The following AOPEP variants were observed in gnomAD, a reference collection of about 807,000 sequenced individuals.
The protein encoded by AOPEP is aminopeptidase O.
A neutral mutation model predicts 98.1 loss-of-function variants in AOPEP; 77 were observed. The observed-to-expected ratio is 0.78, with a 90% CI of 0.65 to 0.95. The LOEUF is 0.95. AOPEP is among the 40% of genes least tolerant of loss of function. AOPEP has a pLI of 0.00. For missense variants in AOPEP, 1,024 were observed against 1,024.7 expected (o/e 1.00, Z 0.01); for synonymous variants, 346 against 365.3 (o/e 0.95, Z 0.60).
chr9:94,925,223 T>A lies in AOPEP; in HGVS notation c.1554+1048T>A, dbSNP rs2054137091. On this transcript the variant is annotated intron_variant, in intron 6 of 16. Coordinates refer to ENST00000375315, the MANE Select transcript of AOPEP (RefSeq NM_001193329.3). ...CCAGTCTGGTCTCGAACTCCTGACCTCGTGATCCGCCCACCTTGGCCTCCC... is the reference window on the plus strand; with the variant it reads ...CCAGTCTGGTCTCGAACTCCTGACCACGTGATCCGCCCACCTTGGCCTCCC... Among the ~76,000 whole-genome samples, 3 of 152,330 alleles carry A rather than the reference T, an allele frequency of 2.0e-5. No homozygotes were observed. In the South Asian group the frequency reaches 6.2e-4, roughly 32 times the overall value.
In AOPEP at chr9:94,828,281, A is replaced by G. The variant is rs1410069958; in HGVS notation, c.1364+27279A>G. ...CTTTTGGTGTCATATTTAAGAATTC[A>G]TTGCCTATTCCAAAGTCACAAAGAT... On this transcript the variant is annotated intron_variant, in intron 5 of 16. Transcript: ENST00000375315. Among the ~76,000 whole-genome samples the G allele has an allele frequency of 3.3e-5, 5 of 152,158 alleles. No individual in the cohort carries two copies. In the South Asian group the frequency reaches 6.2e-4, roughly 19 times the overall value.
At chr9:94,830,606 C>T (rs1025745122) in intron 5 of AOPEP, among the ~76,000 whole-genome samples, 2 of 152,222 alleles carry the variant, frequency 1.3e-5, no homozygotes, top group Non-Finnish European at 2.9e-5. Flanking sequence ...ATTTCTGCTT[C>T]TGGATCTTTG....
intron 10 of AOPEP, among the ~76,000 whole-genome samples, chr9:94,968,443 T>C (rs1564461017): frequency 2.0e-5 from 3 of 152,308 alleles, no homozygotes; most frequent in East Asian, 3.9e-4. Context: ...GGTTTCACCA[T>C]GTTGGCCAGG....
intron 5 of AOPEP, among the ~76,000 whole-genome samples, chr9:94,921,714 T>A (rs962937489): frequency 3.3e-5 from 5 of 152,326 alleles, no homozygotes; most frequent in Middle Eastern, 3.4e-3. Flanking sequence ...GTATCCAGTA[T>A]GTCAAACCCA....
chr9:94,760,606 C>CCGT (rs756484922), intron 2 of AOPEP, 26 bp downstream of exon 2: 19 of 1,511,708 alleles, frequency 1.3e-5, no homozygotes. Context: ...ACTTCAAAGC[C>CCGT]CTGTGCCTGT....
At chr9:94,863,797 A>G (rs1036357173) in intron 5 of AOPEP, among the ~76,000 whole-genome samples, 1 of 152,218 alleles carries the variant, frequency 6.6e-6, no homozygotes, top group African/African-American at 2.4e-5. Flanking sequence ...GTGTATGCAC[A>G]TTGTAGGCAG....
intron 9 of AOPEP, among the ~76,000 whole-genome samples, chr9:94,967,341 G>A (rs1228630573): frequency 6.6e-6 from 1 of 152,154 alleles, no homozygotes; most frequent in African/African-American, 2.4e-5. Flanking sequence ...TTACCATTTG[G>A]TAGAGCAACG....
At chr9:95,149,894 C>T in the AOPEP span, 4 of 1,573,946 alleles carry the variant, frequency 2.5e-6, no homozygotes. Context: ...AAAAACGACG[C>T]AGGATGACAG....
chr9:94,963,782 A>G (rs140985914), intron 9 of AOPEP, among the ~76,000 whole-genome samples: 2,205 of 152,318 alleles, frequency 0.014, 30 homozygotes, highest in Middle Eastern at 0.078. Context: ...AAAACTGCCA[A>G]TACACTGTAG....
At position 94,980,519 on chromosome 9, in the gene AOPEP, C is replaced by G. The variant is rs2138713228; in HGVS notation, c.1977+1092C>G. ...GGCTGTTCTCCATTACCTTTTCATC[C>G]CCCTCCTCACATCTTTGTCCATTTT... On this transcript the variant is annotated intron_variant, in intron 11 of 16. Coordinates refer to ENST00000375315, the MANE Select transcript of AOPEP (RefSeq NM_001193329.3). This position sits in a 1 kb window ranked among gnomAD's most constrained non-coding sequence, Gnocchi z 4.3. Among the ~76,000 whole-genome samples the G allele has an allele frequency of 6.6e-6, 1 of 152,328 alleles. No homozygotes were observed. Among genetic ancestry groups the G allele is most frequent in the African/African-American group, 2.4e-5 (1 of 41,572 alleles).
chr9:95,081,482 G>A (rs1362045124), intron 15 of AOPEP, among the ~76,000 whole-genome samples: 10 of 152,200 alleles, frequency 6.6e-5, no homozygotes, highest in Non-Finnish European at 1.3e-4. Context: ...CTTCCAGCTG[G>A]GGTGGAGAGT....
chr9:94,767,430 A>T (rs1839877027), intron 2 of AOPEP, among the ~76,000 whole-genome samples: 1 of 152,250 alleles, frequency 6.6e-6, no homozygotes, highest in African/African-American at 2.4e-5. Flanking sequence ...TACAGAAAAT[A>T]ACAAATCGCA....
chr9:94,959,457 C>T lies in AOPEP; in HGVS notation c.1872+3442C>T, dbSNP rs1280124685. Among the ~76,000 whole-genome samples the T allele has an allele frequency of 4.6e-5, 7 of 152,076 alleles. 1 individual carries two copies. In the East Asian group the frequency reaches 1.2e-3, roughly 25 times the overall value. ...TTCCCTCCATTGAATTGCCTTGGTA[C>T]CCTTGCCAAAAATTAGTTGATCATT... On this transcript the variant is annotated intron_variant, in intron 9 of 16. Coordinates refer to ENST00000375315, the MANE Select transcript of AOPEP (RefSeq NM_001193329.3).
chr9:95,084,110 CTT>C (rs2085348119), intron 16 of AOPEP, among the ~76,000 whole-genome samples: 1 of 152,010 alleles, frequency 6.6e-6, no homozygotes, highest in Non-Finnish European at 1.5e-5. Context: ...AATTTTGTAT[CTT>C]TAAAAAAACT....
At chr9:95,011,524 G>T (rs923095598) in intron 13 of AOPEP, among the ~76,000 whole-genome samples, 1 of 151,962 alleles carries the variant, frequency 6.6e-6, no homozygotes. Context: ...TAAGACTGCC[G>T]TTTTGCTGGG....
intron 13 of AOPEP, among the ~76,000 whole-genome samples, chr9:95,052,063 G>A (rs1247127296): frequency 6.6e-6 from 1 of 152,142 alleles, no homozygotes; most frequent in Non-Finnish European, 1.5e-5. Context: ...TGAGGAATGA[G>A]AACCACTCCT....
intron 1 of AOPEP, among the ~76,000 whole-genome samples, chr9:94,736,580 A>G (rs1055045269): frequency 6.6e-6 from 1 of 152,182 alleles, no homozygotes; most frequent in Non-Finnish European, 1.5e-5. Flanking sequence ...ATTAGTTCTA[A>G]TAGAGTTTAA....
chr9:94,774,382 A>G (rs993913396), intron 3 of AOPEP, among the ~76,000 whole-genome samples: 1 of 151,600 alleles, frequency 6.6e-6, no homozygotes, highest in African/African-American at 2.4e-5. Context: ...AATATACAGA[A>G]AACTAAAAAT....
chr9:94,783,507 C>T (rs1237919357), intron 3 of AOPEP, among the ~76,000 whole-genome samples: 5 of 152,102 alleles, frequency 3.3e-5, no homozygotes, highest in East Asian at 1.9e-4. Context: ...TGGGTATTCA[C>T]GAGGGTGGCA....
Sources: gnomAD v4.1 joint callset for allele counts (sites outside exome capture counted in the v4.1 genomes callset) on GRCh38, gnomAD v4.1.1 for gene constraint, Gnocchi (gnomAD v3.1) non-coding constraint, MANE v1.5 for transcripts, NCBI Gene and HGNC (gene_info 2026-07-23, HGNC 2026-07-21) for gene names.